THAP8: variants seen among roughly 807,000 people sequenced by gnomAD.
THAP8 encodes THAP domain containing 8, also known as THAP domain-containing protein 8.
Under a neutral mutation model 25.0 loss-of-function variants are expected in THAP8, and 24 were observed. The observed-to-expected ratio is 0.96, with a 90% confidence interval of 0.69 to 1.35. The LOEUF (loss-of-function observed/expected upper bound fraction) is 1.35, where lower values mean the gene tolerates loss of function less well. Among genes scored for constraint, THAP8 ranks in the 40% most tolerant of loss-of-function variants. THAP8 has a pLI of 0.00. For missense variants in THAP8, 399 were observed against 368.8 expected (o/e 1.08, Z -0.67); for synonymous variants, 169 against 157.6 (o/e 1.07, Z -0.54).
chr19:36,054,503 G>A (rs934745108), upstream of THAP8: 3 of 572,744 alleles, frequency 5.2e-6, no homozygotes, highest in Non-Finnish European at 9.4e-6. Context: ...TTGGGGGGAA[G>A]GGCGGCGTCA....
chr19:36,040,237 C>T (rs1969643625), intron 1 of THAP8, 101 bp from the exon 2 acceptor site: 1 of 1,245,378 alleles, frequency 8.0e-7, no homozygotes, highest in Non-Finnish European at 1.1e-6. Flanking sequence ...AAGCCTGTGC[C>T]TCCCTAGGGC....
chr19:36,042,386 C>T (rs1969724198), intron 1 of THAP8, among the ~76,000 whole-genome samples: 1 of 152,160 alleles, frequency 6.6e-6, no homozygotes, highest in Admixed American at 6.5e-5. Flanking sequence ...AATCCCAGCA[C>T]TTTGGGAGGC....
intron 3 of THAP8, 74 bp downstream of exon 3, chr19:36,039,249 T>C (rs960489334): frequency 1.7e-5 from 24 of 1,393,956 alleles, no homozygotes; most frequent in Admixed American, 1.7e-4. Flanking sequence ...TAGGGGATCC[T>C]AGACAAAATG....
Position 36,039,641 on chromosome 19 carries a change from C to G in THAP8, c.354G>C (p.Gln118His), listed in dbSNP as rs775257799. Residue 118 changes from glutamine (Q) to histidine (H), a missense_variant, in exon 3 of 4, where the codon CAG becomes CAC. Transcript: ENST00000292894. ...PPLQKNTPLP[Q>H]SPAIPVSGPV... ...GGCCAGAGACTGGGATGGCAGGGCT[C>G]TGGGGCAGGGGTGTATTCTTCTGTA... is the stretch of plus-strand genomic sequence containing the variant. 26 of 1,512,430 alleles carry G rather than the reference C, an allele frequency of 1.7e-5. No individual in the cohort carries two copies. The highest frequency in any genetic ancestry group is 2.3e-5 in the Non-Finnish European group (26 of 1,128,692). 93.7% of individuals were successfully genotyped at this position (1,512,430 alleles called of 1,614,324 possible). A position where few individuals can be genotyped will look rare whatever the true frequency, so the allele number is the denominator to read the frequency against.
intron 3 of THAP8, 38 bp from the exon 4 acceptor site, chr19:36,035,630 A>G (rs1416778221): frequency 1.3e-6 from 2 of 1,595,374 alleles, no homozygotes; most frequent in African/African-American, 2.7e-5. Context: ...GAACATTACG[A>G]AGCAAGTTGC....
chr19:36,045,377 C>T (rs1969844730), intron 1 of THAP8, among the ~76,000 whole-genome samples: 1 of 152,054 alleles, frequency 6.6e-6, no homozygotes, highest in Non-Finnish European at 1.5e-5. Context: ...TCAGGCAATC[C>T]TCCCACGTCA....
chr19:36,054,571 C>T, upstream of THAP8: 2 of 545,802 alleles, frequency 3.7e-6, no homozygotes, highest in Non-Finnish European at 6.6e-6. Context: ...CTTACGGCTC[C>T]ACCCTACGCC....
At chr19:36,045,488 C>T (rs1969848528) in intron 1 of THAP8, among the ~76,000 whole-genome samples, 1 of 151,962 alleles carries the variant, frequency 6.6e-6, no homozygotes, top group African/African-American at 2.4e-5. Flanking sequence ...AGGCTGGTCT[C>T]AAACTCCTGG....
At chr19:36,041,896 T>C (rs1452524659) in intron 1 of THAP8, among the ~76,000 whole-genome samples, 2 of 151,738 alleles carry the variant, frequency 1.3e-5, no homozygotes, top group Admixed American at 6.6e-5. Flanking sequence ...TCCTGGGCAA[T>C]GTAGCAAGAC....
intron 1 of THAP8, among the ~76,000 whole-genome samples, chr19:36,044,824 T>C (rs1969819931): frequency 6.6e-6 from 1 of 152,092 alleles, no homozygotes; most frequent in South Asian, 2.1e-4. Context: ...GATAGACTAG[T>C]GAGTGCTAGA....
intron 1 of THAP8, among the ~76,000 whole-genome samples, chr19:36,047,912 A>C (rs1199934321): frequency 6.6e-6 from 1 of 152,044 alleles, no homozygotes. Context: ...TGGTTTGCCA[A>C]CCTCTGTACT....
At chr19:36,045,654 T>C (rs1322897389) in intron 1 of THAP8, 1 of 446,632 alleles carries the variant, frequency 2.2e-6, no homozygotes, top group Admixed American at 2.4e-5. Context: ...GGGTTGGCCC[T>C]AAATGCCACT....
chr19:36,040,113 C>T lies in THAP8; in HGVS notation c.107G>A (p.Arg36Gln), dbSNP rs776392312. ...FYKFPLKDGP[R>Q]LQAWLQHMGC... ...CATGTGCTGCAGCCAGGCCTGCAGCCGGGGACCATCCTTCAGTGGGAACCT... is the reference window on the plus strand; with the variant it reads ...CATGTGCTGCAGCCAGGCCTGCAGCTGGGGACCATCCTTCAGTGGGAACCT... Residue 36 changes from arginine to glutamine, a missense_variant, in exon 2 of 4, where the codon CGG becomes CAG. Transcript: ENST00000292894. 6 of 1,609,058 alleles carry T rather than the reference C, an allele frequency of 3.7e-6. No individual in the cohort carries two copies. The highest frequency in any genetic ancestry group is 5.1e-6 in the Non-Finnish European group (6 of 1,176,986).
At chr19:36,054,453 C>T (rs1970226812), upstream of THAP8, 7 of 597,314 alleles carry the variant, frequency 1.2e-5, no homozygotes. Context: ...TGTGCACCTG[C>T]GCAAAGCCGG....
At chr19:36,043,641 CG>C (rs773270155) in intron 1 of THAP8, among the ~76,000 whole-genome samples, 1 of 151,968 alleles carries the variant, frequency 6.6e-6, no homozygotes, top group Non-Finnish European at 1.5e-5. Flanking sequence ...CCGAGGTGGG[CG>C]GATCACTTGC....
intron 1 of THAP8, among the ~76,000 whole-genome samples, chr19:36,050,247 T>C (rs1970018788): frequency 6.6e-6 from 1 of 152,092 alleles, no homozygotes. Flanking sequence ...TGGGATCCAG[T>C]GATTCTCTCA....
intron 3 of THAP8, among the ~76,000 whole-genome samples, chr19:36,037,932 C>A (rs1969534557): frequency 6.6e-6 from 1 of 151,466 alleles, no homozygotes; most frequent in Non-Finnish European, 1.5e-5. Flanking sequence ...GCCACCACAC[C>A]CGGCCTTTTT....
At chr19:36,045,163 C>CAG (rs1969833524) in intron 1 of THAP8, among the ~76,000 whole-genome samples, 2 of 152,132 alleles carry the variant, frequency 1.3e-5, no homozygotes, top group Non-Finnish European at 2.9e-5. Context: ...TCTCGGCTCA[C>CAG]TGCAAGCTCC....
chr19:36,037,298 C>CAA, intron 3 of THAP8, among the ~76,000 whole-genome samples: 1 of 121,110 alleles, frequency 8.3e-6, no homozygotes, highest in Non-Finnish European at 1.8e-5. Flanking sequence ...GCTTCCTCCC[C>CAA]TACACACACA....
Sources: allele counts gnomAD v4.1 joint callset (sites outside exome capture counted in the v4.1 genomes callset), GRCh38; gene constraint gnomAD v4.1.1; transcripts MANE v1.5; gene names NCBI Gene and HGNC (gene_info 2026-07-23, HGNC 2026-07-21).